The following HOOK2 variants were observed in gnomAD, a reference collection of about 807,000 sequenced individuals.
HOOK2 encodes protein Hook homolog 2.
In HOOK2, 108 loss-of-function variants were observed where a neutral mutation model predicts 111.9. That is an observed-to-expected ratio of 0.96 (90% CI 0.83 to 1.13). HOOK2 has a LOEUF of 1.13. Ranked by LOEUF, HOOK2 falls within the 50% of genes most tolerant of loss-of-function variation. The probability of loss-of-function intolerance (pLI) is 0.00; values close to 1 mark genes in which losing one functional copy is unlikely to be tolerated. For synonymous variants in HOOK2, 405 were observed against 394.3 expected (o/e 1.03, Z -0.32); for missense variants, 978 against 951.3 (o/e 1.03, Z -0.37).
intron 3 of HOOK2, chr19:12,792,250 G>A: frequency 6.6e-7 from 1 of 1,505,810 alleles, no homozygotes; most frequent in South Asian, 1.3e-5. Flanking sequence ...GTGTCCCTGG[G>A]CGCTACCGGG....
chr19:12,773,420 TTTTA>T (rs1172642806), intron 3 of HOOK2, among the ~76,000 whole-genome samples: 1 of 151,960 alleles, frequency 6.6e-6, no homozygotes, highest in Non-Finnish European at 1.5e-5. Context: ...GACTACTTTT[TTTTA>T]TTTGTAGAGA....
intron 1 of HOOK2, 34 bp from the exon 2 acceptor site, chr19:12,774,931 A>T (rs767740073): frequency 6.3e-7 from 1 of 1,587,832 alleles, no homozygotes. Flanking sequence ...GGAAAGAGTT[A>T]GGGCCTGGGA....
intron 3 of HOOK2, chr19:12,792,115 G>A (rs893825151): frequency 6.3e-7 from 1 of 1,599,156 alleles, no homozygotes; most frequent in East Asian, 2.3e-5. Context: ...CCCCGCGGGG[G>A]TGGCAGCGGT....
Position 12,772,623 on chromosome 19 carries a change from G to T in HOOK2, c.446C>A (p.Ala149Asp), listed in dbSNP as rs200418021. The T allele has an allele frequency of 6.4e-5, 104 of 1,613,960 alleles. No individual in the cohort carries two copies. Among genetic ancestry groups the T allele is most frequent in the Non-Finnish European group, 8.6e-5 (102 of 1,179,982 alleles). The change falls in exon 6 of 23, where the codon GCC becomes GAC. Residue 149 changes from alanine (A) to aspartate (D), a missense_variant. Transcript: ENST00000397668. Reference sequence around the variant, plus strand: ...AGTGCCCCCACCCACCTCTTGGATGGCTTCCATCACCACATGCTGAACCGA... The same window carrying T: ...AGTGCCCCCACCCACCTCTTGGATGTCTTCCATCACCACATGCTGAACCGA... Reference protein sequence around the residue: ...EESVQHVVMEAIQELMTKDTP... With the variant: ...EESVQHVVMEDIQELMTKDTP...
In HOOK2 at chr19:12,786,282, G is replaced by GGCCT. The variant is rs1231350996; in HGVS notation, n.42-12061_42-12058dup. 6.6e-6 allele frequency among the ~76,000 whole-genome samples: 1 copy of GGCCT among 152,100 alleles called. No individual in the cohort carries two copies. Among genetic ancestry groups the GGCCT allele is most frequent in the African/African-American group, 2.4e-5 (1 of 41,420 alleles). The stretch of plus-strand genomic sequence containing the variant: ...GCTGCGATTTGTGGGTTCTCGCCCT[G>GGCCT]GCCTGCCCACTGGCTGACTCACAGG... On this transcript the variant is annotated intron_variant and non_coding_transcript_variant, in intron 3 of 3. Transcript: ENST00000589765. The surrounding 1 kb of genome is among the most constrained non-coding windows in gnomAD (Gnocchi z 4.3).
chr19:12,763,446 G>A lies in HOOK2; in HGVS notation c.2011-15C>T. On this transcript the variant is annotated splice_polypyrimidine_tract_variant and intron_variant, in intron 22 of 22. Coordinates refer to ENST00000397668, the MANE Select transcript of HOOK2 (RefSeq NM_013312.3). ...AAGGCCATGCCCTTCAGGAGGAGGT[G>A]TGGTTGGGGTCAGGTGAGCTCACAG... 6.2e-7 allele frequency: 1 copy of A among 1,613,614 alleles called. No individual in the cohort carries two copies. The highest frequency in any genetic ancestry group is 8.5e-7 in the Non-Finnish European group (1 of 1,179,756).
At chr19:12,766,512 G>C in intron 14 of HOOK2, 1 of 434,474 alleles carries the variant, frequency 2.3e-6, no homozygotes, top group South Asian at 5.8e-5. Flanking sequence ...GCTGGAAAGC[G>C]GGAAGCAGAA....
chr19:12,789,769 A>G (rs1968688253), intron 3 of HOOK2, among the ~76,000 whole-genome samples: 1 of 150,774 alleles, frequency 6.6e-6, no homozygotes, highest in Non-Finnish European at 1.5e-5. Flanking sequence ...GCAGCCCCAA[A>G]GCGGCGGGGT....
rs1235055585 is a variant in HOOK2, at chr19:12,791,748, C to T, written n.42-17523G>A. On this transcript the variant is annotated intron_variant and non_coding_transcript_variant, in intron 3 of 3. Coordinates refer to the HOOK2 transcript ENST00000589765. The surrounding 1 kb of genome is among the most constrained non-coding windows in gnomAD (Gnocchi z 7.0). The stretch of plus-strand genomic sequence containing the variant: ...CCCGGAGCGGCCCCGCAGGGACCCT[C>T]CCCAGACCGCCTGGGCCGCCCGGAT... The T allele has an allele frequency of 1.3e-6, 2 of 1,571,146 alleles. No homozygotes were observed. The highest frequency in any genetic ancestry group is 1.7e-6 in the Non-Finnish European group (2 of 1,153,426).
Position 12,790,287 on chromosome 19 carries a change from A to G in HOOK2, n.42-16062T>C, listed in dbSNP as rs948870238. ...GGGGCGCACGGTCCCGTAGGATCCGAGTGACGGAGACAGGGCCGGGCTCCT... is the reference window on the plus strand; with the variant it reads ...GGGGCGCACGGTCCCGTAGGATCCGGGTGACGGAGACAGGGCCGGGCTCCT... On this transcript the variant is annotated intron_variant and non_coding_transcript_variant, in intron 3 of 3. Transcript: ENST00000589765. This position sits in a 1 kb window ranked among gnomAD's most constrained non-coding sequence, Gnocchi z 7.2. Among the ~76,000 whole-genome samples the G allele has an allele frequency of 3.3e-5, 5 of 152,264 alleles. No individual in the cohort carries two copies. The highest frequency in any genetic ancestry group is 1.2e-4 in the African/African-American group (5 of 41,574).
At position 12,767,472 on chromosome 19, in the gene HOOK2, A is replaced by G. The variant is rs2145739354; in HGVS notation, c.1304-8T>C. 6.2e-7 allele frequency: 1 copy of G among 1,612,176 alleles called. No individual in the cohort carries two copies. Among genetic ancestry groups the G allele is most frequent in the East Asian group, 2.2e-5 (1 of 44,868 alleles). On this transcript the variant is annotated splice_polypyrimidine_tract_variant and splice_region_variant and intron_variant, in intron 13 of 22. Coordinates refer to ENST00000397668, the MANE Select transcript of HOOK2 (RefSeq NM_013312.3). ...TGGGATCCAGTGAGGGATCTGAAGA[A>G]TGCGAGAAAAGTCTTCAGGTCTCTT...
chr19:12,777,787 C>T (rs1968556265), upstream of HOOK2, among the ~76,000 whole-genome samples: 1 of 152,274 alleles, frequency 6.6e-6, no homozygotes, highest in South Asian at 2.1e-4. Context: ...GACTGTGCGC[C>T]CGCCCTGAAA....
intron 3 of HOOK2, among the ~76,000 whole-genome samples, chr19:12,789,922 A>C (rs1449114343): frequency 1.3e-5 from 2 of 152,052 alleles, no homozygotes. Flanking sequence ...GCCCCAGGAC[A>C]GCGCTGGTCC....
In HOOK2 at chr19:12,770,003, G is replaced by A; in HGVS notation, c.982C>T (p.Arg328Trp). 6.5e-7 allele frequency: 1 copy of A among 1,544,058 alleles called. No individual in the cohort carries two copies. The highest frequency in any genetic ancestry group is 8.7e-7 in the Non-Finnish European group (1 of 1,148,882). The change falls in exon 11 of 23, where the codon CGG (arginine) becomes TGG (tryptophan). Residue 328 changes from arginine (R) to tryptophan (W), a missense_variant. Arg to Trp is a moderately radical substitution (Grantham distance 101, BLOSUM62 -3). Transcript: ENST00000397668. ...TCCTCCAGCTGCCGCACCTGCCGCCGCAGCTCCCTCAGCTCGCCCAAGCGG... is the reference window on the plus strand; with the variant it reads ...TCCTCCAGCTGCCGCACCTGCCGCCACAGCTCCCTCAGCTCGCCCAAGCGG... ...RRRLGELRELRRQVRQLEERN... is the reference protein window; with the variant it reads ...RRRLGELRELWRQVRQLEERN...
chr19:12,771,138 C>T (rs1326572641), intron 9 of HOOK2, 21 bp downstream of exon 9: 1 of 1,612,650 alleles, frequency 6.2e-7, no homozygotes, highest in South Asian at 1.1e-5. Flanking sequence ...CTTGCCTGGC[C>T]CAGTCCCCAG....
upstream of HOOK2, among the ~76,000 whole-genome samples, chr19:12,782,108 GGCCTCTCA>G (rs1238331588): frequency 6.6e-6 from 1 of 152,184 alleles, no homozygotes; most frequent in Non-Finnish European, 1.5e-5. Flanking sequence ...CTCTGGCCTT[GGCCTCTCA>G]AAATTCTGAG....
At chr19:12,767,565 C>T in intron 13 of HOOK2, 101 bp from the exon 14 acceptor site, 1 of 1,085,918 alleles carries the variant, frequency 9.2e-7, no homozygotes, top group East Asian at 2.5e-5. Context: ...CAAGTTCAGC[C>T]AACAGTCTGG....
chr19:12,786,184 G>T lies in HOOK2; in HGVS notation n.42-11959C>A, dbSNP rs1459970457. Among the ~76,000 whole-genome samples, 1 of 152,034 alleles carries T rather than the reference G, an allele frequency of 6.6e-6. No homozygotes were observed. Among genetic ancestry groups the T allele is most frequent in the African/African-American group, 2.4e-5 (1 of 41,404 alleles). On this transcript the variant is annotated intron_variant and non_coding_transcript_variant, in intron 3 of 3. Transcript: ENST00000589765. This position sits in a 1 kb window ranked among gnomAD's most constrained non-coding sequence, Gnocchi z 4.3. ...GGCGGCTGGTAGGCCAGGAGTTCCT[G>T]GGGGAGGGCTCCTGCCGGGCCTCAG...
At chr19:12,778,087 G>A (rs1368948902), upstream of HOOK2, among the ~76,000 whole-genome samples, 4 of 152,098 alleles carry the variant, frequency 2.6e-5, no homozygotes, top group East Asian at 7.7e-4. Flanking sequence ...ACCCCTCCCC[G>A]GTAGACGGGC....
Sources: gnomAD v4.1 joint callset for allele counts (sites outside exome capture counted in the v4.1 genomes callset) on GRCh38, gnomAD v4.1.1 for gene constraint, Gnocchi (gnomAD v3.1) non-coding constraint, MANE v1.5 for transcripts, NCBI Gene and HGNC (gene_info 2026-07-23, HGNC 2026-07-21) for gene names.